Variants in ACBD6 observed in about 807,000 individuals in gnomAD.
The protein encoded by ACBD6 is acyl-CoA binding domain containing 6, also known as acyl-CoA-binding domain-containing protein 6.
In ACBD6, 28 loss-of-function variants were observed where a neutral mutation model predicts 37.2. The observed-to-expected ratio is 0.75, with a 90% CI of 0.56 to 1.03. The LOEUF is 1.03. ACBD6 is among the 50% of genes least tolerant of loss of function. ACBD6 has a pLI of 0.00. For synonymous variants in ACBD6, 113 were observed against 126.8 expected, an observed-to-expected ratio of 0.89 and a Z score of 0.73; for missense variants, 340 against 337.4, an observed-to-expected ratio of 1.01 and a Z score of -0.06.
intron 3 of ACBD6, among the ~76,000 whole-genome samples, chr1:180,486,066 T>C (rs936122817): frequency 1.3e-5 from 2 of 152,172 alleles, no homozygotes; most frequent in Non-Finnish European, 2.9e-5. Flanking sequence ...CGAGTGTCCC[T>C]ACACATTCTT....
intron 6 of ACBD6, among the ~76,000 whole-genome samples, chr1:180,367,723 G>T (rs1222967490): frequency 6.6e-6 from 1 of 152,042 alleles, no homozygotes; most frequent in East Asian, 1.9e-4. Context: ...ACATGATCTT[G>T]TTCTTTTTTA....
intron 7 of ACBD6, among the ~76,000 whole-genome samples, chr1:180,307,406 CA>C (rs1412116862): frequency 4.7e-5 from 7 of 150,060 alleles, no homozygotes; most frequent in East Asian, 1.9e-4. Flanking sequence ...TTAATGGGTA[CA>C]AAAAAATTGT....
At chr1:180,362,515 A>T (rs1023091972) in intron 6 of ACBD6, among the ~76,000 whole-genome samples, 36 of 152,242 alleles carry the variant, frequency 2.4e-4, no homozygotes, top group African/African-American at 8.7e-4. Flanking sequence ...ATGCTTTAAT[A>T]ATTAGAATTC....
At chr1:180,471,018 T>C (rs1050027843) in intron 3 of ACBD6, among the ~76,000 whole-genome samples, 7 of 152,234 alleles carry the variant, frequency 4.6e-5, no homozygotes, top group African/African-American at 7.2e-5. Context: ...GAATATAACA[T>C]AAATAGAAAT....
chr1:180,271,315 G>A, exon 14 of ACBD6: 2 of 1,569,314 alleles, frequency 1.3e-6, no homozygotes, highest in South Asian at 1.1e-5. Context: ...GGAAGGGAGG[G>A]TGTGGGAGGA....
chr1:180,472,149 T>C (rs1046308006), intron 3 of ACBD6, among the ~76,000 whole-genome samples: 6 of 152,332 alleles, frequency 3.9e-5, no homozygotes, highest in Non-Finnish European at 7.3e-5. Flanking sequence ...TGCTCTATCT[T>C]GGTCAGTCCC....
intron 6 of ACBD6, among the ~76,000 whole-genome samples, chr1:180,354,348 T>C (rs1245373790): frequency 6.6e-6 from 1 of 152,248 alleles, no homozygotes. Context: ...AATTTATTCA[T>C]AACTATTTGC....
chr1:180,287,733 GTTTCAATCCTAGA>G (rs1649550849), downstream of ACBD6, among the ~76,000 whole-genome samples: 1 of 152,044 alleles, frequency 6.6e-6, no homozygotes, highest in Non-Finnish European at 1.5e-5. Flanking sequence ...TCCAGAATCT[GTTTCAATCCTAGA>G]GTGAAAACAG....
intron 4 of ACBD6, among the ~76,000 whole-genome samples, chr1:180,421,673 G>C (rs1259548762): frequency 6.6e-6 from 1 of 151,994 alleles, no homozygotes; most frequent in South Asian, 2.1e-4. Flanking sequence ...GTTGTTTTTT[G>C]ACTTTTTAAT....
exon 10 of ACBD6, chr1:180,274,801 G>A (rs148288621): frequency 3.6e-6 from 2 of 551,468 alleles, no homozygotes; most frequent in Non-Finnish European, 6.3e-6. Flanking sequence ...CACAGCACAG[G>A]GGGTAATGGC....
chr1:180,374,582 C>CCCGACTTTCG (rs1653368106), intron 6 of ACBD6, among the ~76,000 whole-genome samples: 1 of 151,528 alleles, frequency 6.6e-6, no homozygotes, highest in Non-Finnish European at 1.5e-5. Flanking sequence ...TGTTTTCACA[C>CCCGACTTTCG]CTGACCTGCC....
intron 3 of ACBD6, among the ~76,000 whole-genome samples, chr1:180,459,138 C>T (rs181423981): frequency 7.9e-5 from 12 of 152,136 alleles, no homozygotes; most frequent in Admixed American, 5.9e-4. Context: ...GTTCATTAGA[C>T]AATCTGGTAG....
rs112570140 is a variant in ACBD6, at chr1:180,299,561, C to CT, written c.695-11045dup. Among the ~76,000 whole-genome samples, 139 of 147,700 alleles carry CT rather than the reference C, an allele frequency of 9.4e-4. 1 individual carries two copies. Among genetic ancestry groups the CT allele is most frequent in the Middle Eastern group, 3.5e-3 (1 of 284 alleles). ...TCCTCAGGGTTTTGATAATGAATTT[C>CT]TTTTTTTTTTTATTTTATTTATTTT... is the stretch of plus-strand genomic sequence containing the variant. On this transcript the variant is annotated intron_variant, in intron 7 of 7. Transcript: ENST00000367595.
In ACBD6 at chr1:180,422,426, G is replaced by A. The variant is rs570790875; in HGVS notation, c.467+7754C>T. The stretch of plus-strand genomic sequence containing the variant: ...TCAACATGTTGGCCACGCTGGTCTC[G>A]AACTCCTGACCTCAGGTGATCCACC... On this transcript the variant is annotated intron_variant, in intron 4 of 7. Transcript: ENST00000367595. Among the ~76,000 whole-genome samples, 8 of 152,008 alleles carry A rather than the reference G, an allele frequency of 5.3e-5. No homozygotes were observed. The South Asian group carries it at 1.2e-3, about 24-fold the overall frequency.
At chr1:180,459,151 T>C (rs1309086196) in intron 3 of ACBD6, among the ~76,000 whole-genome samples, 1 of 152,202 alleles carries the variant, frequency 6.6e-6, no homozygotes, top group East Asian at 1.9e-4. Flanking sequence ...TCTGGTAGTC[T>C]AACAGATAAC....
chr1:180,401,075 T>C (rs751710553), intron 5 of ACBD6, among the ~76,000 whole-genome samples: 37 of 152,340 alleles, frequency 2.4e-4, no homozygotes, highest in Middle Eastern at 3.4e-3. Context: ...GTTTCTAATT[T>C]TTAAAACTCT....
chr1:180,338,793 T>C (rs146594908), intron 6 of ACBD6, among the ~76,000 whole-genome samples: 1,616 of 151,950 alleles, frequency 0.011, 20 homozygotes, highest in Non-Finnish European at 0.017. Context: ...TGACAAAGGG[T>C]TAATATCCAG....
intron 6 of ACBD6, among the ~76,000 whole-genome samples, chr1:180,387,601 G>GTT (rs1219814687): frequency 6.6e-6 from 1 of 152,208 alleles, no homozygotes; most frequent in Non-Finnish European, 1.5e-5. Context: ...TTCAGCATCT[G>GTT]TTGATAACAC....
At chr1:180,293,950 A>G (rs1649814337) in intron 7 of ACBD6, among the ~76,000 whole-genome samples, 1 of 151,688 alleles carries the variant, frequency 6.6e-6, no homozygotes. Flanking sequence ...GCTGGAGTGC[A>G]GTGGCACGAT....
Sources: allele counts gnomAD v4.1 joint callset (sites outside exome capture counted in the v4.1 genomes callset), GRCh38; gene constraint gnomAD v4.1.1; transcripts MANE v1.5; gene names NCBI Gene and HGNC (gene_info 2026-07-23, HGNC 2026-07-21).